CUX2: variants seen among roughly 807,000 people sequenced by gnomAD.
The protein encoded by CUX2 is cut like homeobox 2.
Under a neutral mutation model 144.8 loss-of-function variants are expected in CUX2, and 40 were observed. The ratio of observed to expected loss-of-function variants is 0.28; its 90% confidence interval spans 0.21 to 0.36. The LOEUF (loss-of-function observed/expected upper bound fraction) is 0.36. Among genes scored for constraint, CUX2 ranks in the 10% least tolerant of loss-of-function variants. The pLI, the probability that CUX2 is intolerant of heterozygous loss-of-function variation, is 1.00. For synonymous variants in CUX2, 827 were observed against 875.6 expected, an observed-to-expected ratio of 0.94 and a Z score of 0.98; for missense variants, 1,615 against 1,994.0, an observed-to-expected ratio of 0.81 and a Z score of 3.62.
At chr12:111,340,481 G>T (rs1358931623) in intron 20 of CUX2, among the ~76,000 whole-genome samples, 3 of 152,114 alleles carry the variant, frequency 2.0e-5, no homozygotes, top group African/African-American at 7.2e-5. Context: ...GGCCAAGGTG[G>T]GAGGATTGCT....
chr12:111,258,670 A>G (rs750130658), intron 3 of CUX2, among the ~76,000 whole-genome samples: 5 of 152,114 alleles, frequency 3.3e-5, no homozygotes, highest in Admixed American at 1.3e-4. Context: ...ACTGATTCAC[A>G]CTGAGTGCCA....
Position 111,298,599 on chromosome 12 carries a change from C to T in CUX2, c.753+10C>T, listed in dbSNP as rs1366607901. 8 of 1,562,614 alleles carry T rather than the reference C, an allele frequency of 5.1e-6. No homozygotes were observed. In the African/African-American group the frequency reaches 5.4e-5, roughly 11 times the overall value. On this transcript the variant is annotated intron_variant, in intron 9 of 21. Coordinates refer to ENST00000261726, the MANE Select transcript of CUX2 (RefSeq NM_015267.4). ...GGAGAAAGCTAATCAGGTGAGGAGGCGCAGTTCCCACCCGTGGGTGCCAGA... is the reference window on the plus strand; with the variant it reads ...GGAGAAAGCTAATCAGGTGAGGAGGTGCAGTTCCCACCCGTGGGTGCCAGA...
chr12:111,071,980 A>G (rs966217510), intron 1 of CUX2, among the ~76,000 whole-genome samples: 3 of 152,178 alleles, frequency 2.0e-5, no homozygotes, highest in African/African-American at 4.8e-5. Context: ...CTATTTGTCT[A>G]TTCTTTCTCC....
chr12:111,149,039 C>G (rs1876876496), intron 1 of CUX2, among the ~76,000 whole-genome samples: 1 of 152,056 alleles, frequency 6.6e-6, no homozygotes. Flanking sequence ...GGACACTTAC[C>G]TACACAAACT....
intron 4 of CUX2, among the ~76,000 whole-genome samples, chr12:111,264,708 A>G (rs887669853): frequency 6.6e-6 from 1 of 152,130 alleles, no homozygotes; most frequent in East Asian, 1.9e-4. Context: ...TCATGCCTGC[A>G]CTCCAGCCTG....
At chr12:111,141,842 T>C (rs1876339513) in intron 1 of CUX2, among the ~76,000 whole-genome samples, 1 of 152,232 alleles carries the variant, frequency 6.6e-6, no homozygotes, top group African/African-American at 2.4e-5. Flanking sequence ...CCCAGCACTT[T>C]GGGAGGCTGA....
intron 1 of CUX2, among the ~76,000 whole-genome samples, chr12:111,134,910 G>A (rs900682230): frequency 1.1e-4 from 17 of 152,240 alleles, no homozygotes; most frequent in Non-Finnish European, 2.1e-4. Context: ...CTAAACACAC[G>A]GTACATGTGG....
At position 111,310,005 on chromosome 12, in the gene CUX2, C is replaced by CT; in HGVS notation, c.1259-36_1259-35insT. The CT allele has an allele frequency of 7.9e-7, 1 of 1,266,182 alleles. No individual in the cohort carries two copies. Among genetic ancestry groups the CT allele is most frequent in the Non-Finnish European group, 1.0e-6 (1 of 1,004,872 alleles). 78.4% of individuals were successfully genotyped at this position (1,266,182 alleles called of 1,614,324 possible). A position where few individuals can be genotyped will look rare whatever the true frequency, so the allele number is the denominator to read the frequency against. Reference sequence around the variant, plus strand: ...TCTCTCCCCTCATCATCGTCTTCCCCGTCTGTCTGTCTGTCTGTCTGTCTG... The same window carrying CT: ...TCTCTCCCCTCATCATCGTCTTCCCCTGTCTGTCTGTCTGTCTGTCTGTCTG... On this transcript the variant is annotated intron_variant, in intron 14 of 21. Coordinates refer to ENST00000261726, the MANE Select transcript of CUX2 (RefSeq NM_015267.4). The surrounding 1 kb of genome is among the most constrained non-coding windows in gnomAD (Gnocchi z 7.9).
chr12:111,162,299 G>A (rs1012675177), intron 1 of CUX2, among the ~76,000 whole-genome samples: 5 of 152,246 alleles, frequency 3.3e-5, no homozygotes, highest in South Asian at 4.1e-4. Flanking sequence ...TGACTGCCAC[G>A]GGTGGGAGGT....
Position 111,341,945 on chromosome 12 carries a change from G to A in CUX2, c.3551G>A (p.Arg1184Gln), listed in dbSNP as rs747760741. The A allele has an allele frequency of 3.0e-5, 49 of 1,613,940 alleles. No individual in the cohort carries two copies. Among genetic ancestry groups the A allele is most frequent in the Non-Finnish European group, 3.7e-5 (44 of 1,180,030 alleles). ...GCACCCGAGGAGAAGGAGGCACTGCGGAAGGCCTATCAGCTGGAACCCTAC... is the reference window on the plus strand; with the variant it reads ...GCACCCGAGGAGAAGGAGGCACTGCAGAAGGCCTATCAGCTGGAACCCTAC... ...VLAPEEKEAL[R>Q]KAYQLEPYPS... The change falls in exon 21 of 22, where the codon CGG becomes CAG. Residue 1184 changes from arginine to glutamine, a missense_variant. Physicochemically the swap from Arg to Gln is conservative, Grantham distance 43. Transcript: ENST00000261726.
At position 111,170,425 on chromosome 12, in the gene CUX2, G is replaced by A. The variant is rs527708786; in HGVS notation, c.64-43775G>A. ...GCCTGGGCAACAAGAGCAAAGCTCC[G>A]TCTCAAAGAAAGAAAGAAAAAAAAA... On this transcript the variant is annotated intron_variant, in intron 1 of 21. Coordinates refer to ENST00000261726, the MANE Select transcript of CUX2 (RefSeq NM_015267.4). Among the ~76,000 whole-genome samples, 283 of 111,398 alleles carry A rather than the reference G, an allele frequency of 2.5e-3. 1 individual carries two copies. The highest frequency in any genetic ancestry group is 1.0e-2 in the African/African-American group (269 of 26,984). 73.1% of individuals were successfully genotyped at this position (111,398 alleles called of 152,430 possible).
intron 4 of CUX2, among the ~76,000 whole-genome samples, chr12:111,288,063 A>G (rs987041875): frequency 6.6e-6 from 1 of 152,190 alleles, no homozygotes; most frequent in African/African-American, 2.4e-5. Context: ...CGTGAAGGAA[A>G]GGTGTAGGCA....
In CUX2 at chr12:111,171,233, T is replaced by C. The variant is rs1210698529; in HGVS notation, c.64-42967T>C. ...AGAGTATGGAAGGAAAGCCTCGAGT[T>C]TGACCTTCACACACACCTTGACCTT... On this transcript the variant is annotated intron_variant, in intron 1 of 21. Coordinates refer to ENST00000261726, the MANE Select transcript of CUX2 (RefSeq NM_015267.4). The surrounding 1 kb of genome is among the most constrained non-coding windows in gnomAD (Gnocchi z 5.0). Among the ~76,000 whole-genome samples the C allele has an allele frequency of 1.3e-5, 2 of 152,106 alleles. No individual in the cohort carries two copies. Among genetic ancestry groups the C allele is most frequent in the African/African-American group, 4.8e-5 (2 of 41,422 alleles).
intron 1 of CUX2, among the ~76,000 whole-genome samples, chr12:111,208,417 T>G (rs1290947383): frequency 2.0e-5 from 3 of 152,192 alleles, no homozygotes; most frequent in African/African-American, 7.2e-5. Flanking sequence ...CTTTAAAAAC[T>G]AAGTGTTCTT....
At chr12:111,262,005 C>G (rs1337837188) in intron 3 of CUX2, among the ~76,000 whole-genome samples, 1 of 152,158 alleles carries the variant, frequency 6.6e-6, no homozygotes, top group Non-Finnish European at 1.5e-5. Flanking sequence ...CTGCCCTCCC[C>G]CAAGTGACTT....
chr12:111,106,634 G>A (rs1873622584), intron 1 of CUX2, among the ~76,000 whole-genome samples: 1 of 152,198 alleles, frequency 6.6e-6, no homozygotes, highest in South Asian at 2.1e-4. Context: ...ATAAGAAAAG[G>A]TACCAGGTAG....
intron 9 of CUX2, among the ~76,000 whole-genome samples, chr12:111,302,454 A>G (rs575052260): frequency 1.3e-5 from 2 of 152,346 alleles, no homozygotes; most frequent in South Asian, 4.1e-4. Context: ...TTAATAGGGA[A>G]ACCGAGGCTG....
At chr12:111,156,402 C>T (rs1296359821) in intron 1 of CUX2, among the ~76,000 whole-genome samples, 1 of 152,216 alleles carries the variant, frequency 6.6e-6, no homozygotes, top group African/African-American at 2.4e-5. Flanking sequence ...CTCTGTCTCC[C>T]AGTGGTTCCT....
At chr12:111,231,942 C>T (rs1882483949) in intron 3 of CUX2, among the ~76,000 whole-genome samples, 1 of 152,022 alleles carries the variant, frequency 6.6e-6, no homozygotes, top group African/African-American at 2.4e-5. Context: ...CCTGTCTCTA[C>T]TAAAAATACA....
Sources: gnomAD v4.1 joint callset for allele counts (sites outside exome capture counted in the v4.1 genomes callset) on GRCh38, gnomAD v4.1.1 for gene constraint, Gnocchi (gnomAD v3.1) non-coding constraint, MANE v1.5 for transcripts, NCBI Gene and HGNC (gene_info 2026-07-23, HGNC 2026-07-21) for gene names.